Variants in ARFGEF3 observed in about 807,000 individuals in gnomAD.
ARFGEF3 encodes brefeldin A-inhibited guanine nucleotide-exchange protein 3.
In ARFGEF3, 96 loss-of-function variants were observed where a neutral mutation model predicts 221.7. The ratio of observed to expected loss-of-function variants is 0.43; its 90% CI spans 0.37 to 0.51. The LOEUF is 0.51. Ranked by LOEUF, ARFGEF3 falls within the 20% of genes least tolerant of loss-of-function variation. ARFGEF3 has a pLI of 0.00. For missense variants in ARFGEF3, 2,410 were observed against 2,789.9 expected, an observed-to-expected ratio of 0.86 and a Z score of 3.07; for synonymous variants, 1,145 against 1,126.8, an observed-to-expected ratio of 1.02 and a Z score of -0.32.
At position 138,328,869 on chromosome 6, in the gene ARFGEF3, T is replaced by C. The variant is rs537036014; in HGVS notation, c.5123+727T>C. Among the ~76,000 whole-genome samples the C allele has an allele frequency of 7.9e-5, 12 of 152,244 alleles. No homozygotes were observed. In the South Asian group the frequency reaches 2.5e-3, roughly 32 times the overall value. ...AAATTTAGCCAAGCATGATGGCGCA[T>C]GCCTGTAGTCCCAGCTACTCAGGAA... is the stretch of plus-strand genomic sequence containing the variant. On this transcript the variant is annotated intron_variant, in intron 32 of 33. Transcript: ENST00000251691.
At chr6:138,271,993 T>C (rs751432815) in intron 12 of ARFGEF3, among the ~76,000 whole-genome samples, 37 of 152,244 alleles carry the variant, frequency 2.4e-4, no homozygotes, top group Non-Finnish European at 3.7e-4. Context: ...CCATGGTGGC[T>C]GAAAAACTGT....
chr6:138,329,408 T>C (rs551985930), intron 32 of ARFGEF3, among the ~76,000 whole-genome samples: 1 of 152,218 alleles, frequency 6.6e-6, no homozygotes, highest in Admixed American at 6.5e-5. Context: ...CTCATACCTA[T>C]AATCCGAGCA....
At chr6:138,248,058 C>T (rs548098155) in intron 8 of ARFGEF3, among the ~76,000 whole-genome samples, 16 of 152,184 alleles carry the variant, frequency 1.1e-4, no homozygotes, top group Admixed American at 2.6e-4. Flanking sequence ...AGAAAGTAGG[C>T]GCAATTCTAG....
intron 5 of ARFGEF3, among the ~76,000 whole-genome samples, chr6:138,238,032 T>G (rs188656393): frequency 5.1e-4 from 78 of 152,304 alleles, no homozygotes; most frequent in African/African-American, 1.9e-3. Flanking sequence ...TGTCCTGCCT[T>G]TATGAAATTT....
At chr6:138,214,451 T>C (rs907359302) in intron 4 of ARFGEF3, among the ~76,000 whole-genome samples, 5 of 152,362 alleles carry the variant, frequency 3.3e-5, no homozygotes, top group African/African-American at 9.6e-5. Context: ...CTGGATATGC[T>C]ATTCAGGAGG....
chr6:138,321,150 A>G lies in ARFGEF3; in HGVS notation c.4691A>G (p.Asp1564Gly), dbSNP rs778404684. ...AGCATGATCAATACCATGCTGAAGGACCTCTTTGAGTTGCTGGTCGCCTGT... is the reference window on the plus strand; with the variant it reads ...AGCATGATCAATACCATGCTGAAGGGCCTCTTTGAGTTGCTGGTCGCCTGT... ...YESMINTMLK[D>G]LFELLVACVA... Residue 1564 changes from aspartate (D) to glycine (G), a missense_variant, in exon 29 of 34, where the codon GAC (aspartate) becomes GGC (glycine). By Grantham distance (94) the Asp-to-Gly change is moderately conservative. Transcript: ENST00000251691. 2 of 1,564,452 alleles carry G rather than the reference A, an allele frequency of 1.3e-6. No homozygotes were observed. Among genetic ancestry groups the G allele is most frequent in the Non-Finnish European group, 1.7e-6 (2 of 1,153,090 alleles).
Position 138,308,788 on chromosome 6 carries a change from T to A in ARFGEF3, c.4023T>A (p.Thr1341=). ...ATGTATTTGAAGCTTTTCTCAATAC[T>A]GACAACATCCAGGTCTTTGCTAATG... ...VFDVFEAFLN[T]DNIQVFANAA... The change falls in exon 24 of 34, where the codon ACT becomes ACA. Residue 1341 remains threonine, a synonymous_variant. Transcript: ENST00000251691. 1 of 1,613,952 alleles carries A rather than the reference T, an allele frequency of 6.2e-7. No individual in the cohort carries two copies. The highest frequency in any genetic ancestry group is 8.5e-7 in the Non-Finnish European group (1 of 1,179,776).
At position 138,338,213 on chromosome 6, in the gene ARFGEF3, G is replaced by T. The variant is rs927370810; in HGVS notation, c.*1727G>T. 20 of 152,232 alleles carry T rather than the reference G, an allele frequency of 1.3e-4. No individual in the cohort carries two copies. The highest frequency in any genetic ancestry group is 4.3e-4 in the African/African-American group (18 of 41,466). The allele number at this position is 152,232 out of a possible 1,614,324, so 9.4% of individuals were successfully genotyped here. The stretch of plus-strand genomic sequence containing the variant: ...CAGCTATTTGATCTTAAAAGGCAAT[G>T]AATTGTTGGGATATCAGTGAACTAT... On this transcript the variant is annotated 3_prime_UTR_variant, in exon 34 of 34. Transcript: ENST00000251691.
intron 10 of ARFGEF3, among the ~76,000 whole-genome samples, chr6:138,260,212 T>C (rs1454996497): frequency 6.6e-5 from 10 of 152,202 alleles, no homozygotes; most frequent in Admixed American, 6.5e-4. Flanking sequence ...AAGCTTCGTT[T>C]ATGTTCCTTC....
chr6:138,168,687 C>T (rs1776767623), intron 1 of ARFGEF3, among the ~76,000 whole-genome samples: 1 of 152,200 alleles, frequency 6.6e-6, no homozygotes, highest in Non-Finnish European at 1.5e-5. Context: ...TTGAGATTCT[C>T]CAAGCATTTC....
rs56876640 is a variant in ARFGEF3 at position 138,222,846 on chromosome 6, A to G, written c.352-6938A>G. On this transcript the variant is annotated intron_variant, in intron 4 of 33. Transcript: ENST00000251691. ...GGGGAGTGTACCTTGTACCTCATAT[A>G]TAGTTTTTTATCCCTCATCCTCCTC... Among the ~76,000 whole-genome samples the G allele has an allele frequency of 7.7e-3, 1,175 of 152,154 alleles. 11 individuals are homozygous for G. The highest frequency in any genetic ancestry group is 0.026 in the African/African-American group (1,075 of 41,512).
At chr6:138,238,414 G>A in intron 5 of ARFGEF3, 95 bp from the exon 6 acceptor site, 1 of 1,309,678 alleles carries the variant, frequency 7.6e-7, no homozygotes, top group Non-Finnish European at 1.1e-6. Context: ...TTCTGTTTAA[G>A]AGGGATTTGA....
intron 6 of ARFGEF3, among the ~76,000 whole-genome samples, chr6:138,239,820 G>A (rs1778360684): frequency 6.6e-6 from 1 of 152,048 alleles, no homozygotes; most frequent in African/African-American, 2.4e-5. Context: ...GAGAGCCTTA[G>A]AGATGATCTA....
In ARFGEF3 at chr6:138,319,741, C is replaced by T. The variant is rs867569436; in HGVS notation, c.4513C>T (p.Leu1505Phe). 1 of 1,613,014 alleles carries T rather than the reference C, an allele frequency of 6.2e-7. No individual in the cohort carries two copies. The highest frequency in any genetic ancestry group is 1.7e-5 in the Admixed American group (1 of 59,722). The change falls in exon 28 of 34, where the codon CTT becomes TTT. Residue 1505 changes from leucine (L) to phenylalanine (F), a missense_variant. Physicochemically the swap from Leu to Phe is conservative, Grantham distance 22. Around this residue, in one of 5 missense-constraint regions of ARFGEF3, gnomAD observed 723 missense variants for 991.9 expected, o/e 0.73. Coordinates refer to ENST00000251691, the MANE Select transcript of ARFGEF3 (RefSeq NM_020340.5). The part of the protein sequence containing the change: ...FGIYAVVHLL[L>F]PVMSVWLRRS... Reference sequence around the variant, plus strand: ...TATCTATGCAGTGGTTCACCTCCTCCTTCCTGTGATGTCCGTTTGGCTCCG... The same window carrying T: ...TATCTATGCAGTGGTTCACCTCCTCTTTCCTGTGATGTCCGTTTGGCTCCG...
Position 138,170,659 on chromosome 6 carries a change from C to T in ARFGEF3, c.86-3C>T, listed in dbSNP as rs1189480883. The stretch of plus-strand genomic sequence containing the variant: ...TTTTAACTTTGTAATTTTTCTTTTG[C>T]AGAAACTCTAGGTGGTCTGGATACC... On this transcript the variant is annotated splice_region_variant and splice_polypyrimidine_tract_variant and intron_variant, in intron 1 of 33. Transcript: ENST00000251691. The T allele has an allele frequency of 7.8e-6, 12 of 1,541,168 alleles. No individual in the cohort carries two copies. The highest frequency in any genetic ancestry group is 1.1e-5 in the Non-Finnish European group (12 of 1,115,764).
intron 1 of ARFGEF3, among the ~76,000 whole-genome samples, chr6:138,168,603 A>T (rs531566705): frequency 4.0e-4 from 61 of 152,342 alleles, no homozygotes; most frequent in African/African-American, 1.4e-3. Flanking sequence ...CCTAGAACAG[A>T]GGCTGGTACA....
At chr6:138,226,304 AT>A (rs547541857) in intron 4 of ARFGEF3, among the ~76,000 whole-genome samples, 114 of 152,364 alleles carry the variant, frequency 7.5e-4, no homozygotes, top group Middle Eastern at 3.4e-3. Flanking sequence ...CTTGCAATAA[AT>A]CAGCTTTGCT....
At chr6:138,217,741 A>G (rs537213828) in intron 4 of ARFGEF3, 1 of 474,464 alleles carries the variant, frequency 2.1e-6, no homozygotes, top group African/African-American at 2.0e-5. Context: ...TTAATGGCCC[A>G]CTAGGATAAA....
chr6:138,308,555 C>T (rs1459720123), intron 23 of ARFGEF3, among the ~76,000 whole-genome samples, 184 bp from the exon 24 acceptor site: 1 of 152,152 alleles, frequency 6.6e-6, no homozygotes, highest in Non-Finnish European at 1.5e-5. Flanking sequence ...GAGCTGCTCC[C>T]CTGCCGGCAG....
Sources: gnomAD v4.1 joint callset for allele counts (sites outside exome capture counted in the v4.1 genomes callset) on GRCh38, gnomAD v4.1.1 for gene constraint, gnomAD v4.1.1 regional missense constraint, MANE v1.5 for transcripts, NCBI Gene and HGNC (gene_info 2026-07-23, HGNC 2026-07-21) for gene names.